TRIM4: variants seen among roughly 807,000 people sequenced by gnomAD.
The protein encoded by TRIM4 is tripartite motif containing 4, also known as E3 ubiquitin-protein ligase TRIM4.
A neutral mutation model predicts 33.7 loss-of-function variants in TRIM4; 29 were observed. That is an observed-to-expected ratio of 0.86 (90% CI 0.64 to 1.17). TRIM4 has a LOEUF of 1.17. TRIM4 is among the 50% of genes most tolerant of loss of function. The pLI is 0.00. For missense variants in TRIM4, 554 were observed against 593.7 expected (o/e 0.93, Z 0.69); for synonymous variants, 224 against 233.0 (o/e 0.96, Z 0.35).
chr7:99,911,013 T>C (rs934533218), intron 1 of TRIM4, among the ~76,000 whole-genome samples: 3 of 152,140 alleles, frequency 2.0e-5, no homozygotes, highest in Non-Finnish European at 2.9e-5. Context: ...TTAGAAAATA[T>C]AGGAAGAAGA....
At position 99,893,172 on chromosome 7, in the gene TRIM4, C is replaced by G. The variant is rs56337765; in HGVS notation, c.842-426G>C. Among the ~76,000 whole-genome samples, 392 of 152,228 alleles carry G rather than the reference C, an allele frequency of 2.6e-3. 1 individual carries two copies. The highest frequency in any genetic ancestry group is 8.6e-3 in the African/African-American group (359 of 41,536). ...ATCCCAGTTACTGGGGAGGCTGAGGCAGAAGAATCACTTAAACCCAGAAGG... is the reference window on the plus strand; with the variant it reads ...ATCCCAGTTACTGGGGAGGCTGAGGGAGAAGAATCACTTAAACCCAGAAGG... On this transcript the variant is annotated intron_variant, in intron 5 of 5. Coordinates refer to ENST00000349062, the MANE Select transcript of TRIM4 (RefSeq NM_033091.3).
At chr7:99,911,124 GGGAAGGAGATCTATGCTGC>G (rs1412795483) in intron 1 of TRIM4, among the ~76,000 whole-genome samples, 1 of 152,186 alleles carries the variant, frequency 6.6e-6, no homozygotes, top group Non-Finnish European at 1.5e-5. Flanking sequence ...AATTAGAGTT[GGGAAGGAGATCTATGCTGC>G]AGAAGCAGAT....
At position 99,891,963 on chromosome 7, in the gene TRIM4, C is replaced by A; in HGVS notation, c.*200G>T. ...AAAGCGTCTTGGAAAATTTCCTGTC[C>A]CATCTCCATTGGCCAGACCCACCTC... On this transcript the variant is annotated 3_prime_UTR_variant, in exon 6 of 6. Transcript: ENST00000349062. 2.0e-6 allele frequency: 1 copy of A among 511,092 alleles called. No individual in the cohort carries two copies. Among genetic ancestry groups the A allele is most frequent in the Admixed American group, 3.7e-5 (1 of 26,868 alleles). The allele number at this position is 511,092 out of a possible 1,614,324, so 31.7% of individuals were successfully genotyped here. A position where few individuals can be genotyped will look rare whatever the true frequency, so the allele number is the denominator to read the frequency against.
At chr7:99,913,327 G>A (rs776812909) in intron 1 of TRIM4, among the ~76,000 whole-genome samples, 2 of 152,110 alleles carry the variant, frequency 1.3e-5, no homozygotes, top group Non-Finnish European at 2.9e-5. Context: ...TGGCAGGAGC[G>A]CAACACCAAG....
chr7:99,900,016 C>T (rs1819122102), intron 5 of TRIM4, among the ~76,000 whole-genome samples: 1 of 152,166 alleles, frequency 6.6e-6, no homozygotes, highest in African/African-American at 2.4e-5. Flanking sequence ...AAACTCCTGG[C>T]CTCAAGCAAT....
chr7:99,902,001 A>G, intron 5 of TRIM4: 1 of 662,244 alleles, frequency 1.5e-6, no homozygotes, highest in South Asian at 1.7e-5. Flanking sequence ...CAGTTACCTC[A>G]GCCTTACATG....
intron 5 of TRIM4, among the ~76,000 whole-genome samples, chr7:99,898,932 C>T (rs1336862159): frequency 6.6e-6 from 1 of 152,210 alleles, no homozygotes; most frequent in Non-Finnish European, 1.5e-5. Context: ...TGCTACTATG[C>T]TTGTCATTGT....
chr7:99,911,897 T>C (rs1819452566), intron 1 of TRIM4, among the ~76,000 whole-genome samples: 1 of 152,214 alleles, frequency 6.6e-6, no homozygotes, highest in African/African-American at 2.4e-5. Context: ...TATTCATTGA[T>C]AGGAAGGTGG....
chr7:99,891,352 T>A lies in TRIM4; in HGVS notation c.*811A>T, dbSNP rs567054180. The A allele has an allele frequency of 6.6e-6, 1 of 152,378 alleles. No individual in the cohort carries two copies. The highest frequency in any genetic ancestry group is 2.4e-5 in the African/African-American group (1 of 41,590). The allele number at this position is 152,378 out of a possible 1,614,324, so 9.4% of individuals were successfully genotyped here. A position where few individuals can be genotyped will look rare whatever the true frequency, so the allele number is the denominator to read the frequency against. On this transcript the variant is annotated 3_prime_UTR_variant, in exon 6 of 6. Transcript: ENST00000349062. Reference sequence around the variant, plus strand: ...TCACTGAGTTGTGATGAGAGTCATATGCAACAGCATATGAAGAGGCTAGCA... The same window carrying A: ...TCACTGAGTTGTGATGAGAGTCATAAGCAACAGCATATGAAGAGGCTAGCA...
At chr7:99,916,518 C>A (rs1196863098) in intron 1 of TRIM4, among the ~76,000 whole-genome samples, 1 of 152,200 alleles carries the variant, frequency 6.6e-6, no homozygotes, top group Admixed American at 6.5e-5. Context: ...GTGTACCTTA[C>A]CTCAGTTAAC....
intron 1 of TRIM4, chr7:99,917,944 A>G: frequency 1.4e-6 from 1 of 691,076 alleles, no homozygotes; most frequent in East Asian, 1.3e-4. Context: ...CAAGAAAGCC[A>G]GTATGGCTGA....
chr7:99,896,091 TTC>T (rs1003061015), intron 5 of TRIM4, among the ~76,000 whole-genome samples: 46 of 152,346 alleles, frequency 3.0e-4, no homozygotes, highest in African/African-American at 9.4e-4. Flanking sequence ...TTTCTTCTTT[TTC>T]TGCCTTATTT....
chr7:99,896,652 T>C (rs1461417407), intron 5 of TRIM4, among the ~76,000 whole-genome samples: 4 of 152,036 alleles, frequency 2.6e-5, no homozygotes, highest in Admixed American at 6.5e-5. Context: ...CAGCAGGAGG[T>C]TGGAGAAAAT....
Position 99,919,507 on chromosome 7 carries a change from G to A in TRIM4, c.-106C>T, listed in dbSNP as rs115928585. 164 of 1,260,462 alleles carry A rather than the reference G, an allele frequency of 1.3e-4. 1 individual carries two copies. In the African/African-American group the frequency reaches 2.3e-3, roughly 18 times the overall value. The allele number at this position is 1,260,462 out of a possible 1,614,324, so 78.1% of individuals were successfully genotyped here. A position where few individuals can be genotyped will look rare whatever the true frequency, so the allele number is the denominator to read the frequency against. ...AGACGACTTCCGAACCGCCGTCACC[G>A]CCTCACGTAAAAGGGTACAACGCAG... On this transcript the variant is annotated 5_prime_UTR_variant, in exon 1 of 6. Transcript: ENST00000349062.
In TRIM4 at chr7:99,903,279, A is replaced by G. The variant is rs1412461209; in HGVS notation, c.780T>C (p.Ala260=). Reference sequence around the variant, plus strand: ...TCTGGCACACTGTCTTCACCTTTACAGCTTCAAGAGAATAGTTCACATCCT... The same window carrying G: ...TCTGGCACACTGTCTTCACCTTTACGGCTTCAAGAGAATAGTTCACATCCT... The part of the protein sequence containing the change: ...EIQDVNYSLE[A]VKVKTVCQIP... The change falls in exon 5 of 6, where the codon GCT becomes GCC. Residue 260 remains alanine (A), a synonymous_variant. Coordinates refer to ENST00000349062, the MANE Select transcript of TRIM4 (RefSeq NM_033091.3). 7.4e-6 allele frequency: 12 copies of G among 1,613,044 alleles called. No homozygotes were observed.
At position 99,904,903 on chromosome 7, in the gene TRIM4, G is replaced by C. The variant is rs571098437; in HGVS notation, c.721-1305C>G. Among the ~76,000 whole-genome samples, 3 of 152,078 alleles carry C rather than the reference G, an allele frequency of 2.0e-5. No homozygotes were observed. In the South Asian group the frequency reaches 6.2e-4, roughly 32 times the overall value. On this transcript the variant is annotated intron_variant, in intron 3 of 5. Coordinates refer to ENST00000349062, the MANE Select transcript of TRIM4 (RefSeq NM_033091.3). ...AAAAATTAGACAGGCATGATGGCGG[G>C]TGTCTGTAATCCCAGCTACTCGGGA...
intron 5 of TRIM4, among the ~76,000 whole-genome samples, chr7:99,898,992 T>C (rs1819091729): frequency 6.6e-6 from 1 of 152,238 alleles, no homozygotes; most frequent in African/African-American, 2.4e-5. Context: ...GCAGCAATGC[T>C]ACTGCACATA....
chr7:99,915,717 G>A (rs1819541995), intron 1 of TRIM4, among the ~76,000 whole-genome samples: 1 of 152,172 alleles, frequency 6.6e-6, no homozygotes, highest in African/African-American at 2.4e-5. Context: ...GGATATCAGG[G>A]AATTCCGCCC....
chr7:99,900,918 T>A (rs192471383), intron 5 of TRIM4, among the ~76,000 whole-genome samples: 137 of 129,550 alleles, frequency 1.1e-3, no homozygotes, highest in African/African-American at 3.3e-3. Context: ...GGCATATTTT[T>A]CTTCATATTT....
Sources: allele counts gnomAD v4.1 joint callset (sites outside exome capture counted in the v4.1 genomes callset), GRCh38; gene constraint gnomAD v4.1.1; transcripts MANE v1.5; gene names NCBI Gene and HGNC (gene_info 2026-07-23, HGNC 2026-07-21).